PRKCE: variants seen among roughly 807,000 people sequenced by gnomAD.
PRKCE encodes the protein protein kinase C epsilon, also known as protein kinase C epsilon type.
PRKCE carries 16 observed loss-of-function variants against 85.4 expected under a neutral mutation model. The observed-to-expected ratio is 0.19, with a 90% CI of 0.13 to 0.28. PRKCE has a LOEUF of 0.28. PRKCE is among the 10% of genes least tolerant of loss of function. PRKCE has a pLI of 1.00. For missense variants in PRKCE, 573 were observed against 975.2 expected (o/e 0.59, Z 5.49); for synonymous variants, 388 against 371.5 (o/e 1.04, Z -0.51).
chr2:46,109,175 A>T (rs1672020960), intron 11 of PRKCE, among the ~76,000 whole-genome samples: 1 of 151,994 alleles, frequency 6.6e-6, no homozygotes, highest in Admixed American at 6.6e-5. Context: ...TGGGTCCCTT[A>T]TGTCTTTTGC....
chr2:45,809,459 T>G (rs921058458), intron 1 of PRKCE, among the ~76,000 whole-genome samples: 1 of 152,250 alleles, frequency 6.6e-6, no homozygotes, highest in African/African-American at 2.4e-5. Flanking sequence ...TGTGCAAAGA[T>G]GAAATCACTA....
At chr2:45,998,357 T>C (rs1704385670) in intron 6 of PRKCE, among the ~76,000 whole-genome samples, 1 of 152,242 alleles carries the variant, frequency 6.6e-6, no homozygotes, top group Non-Finnish European at 1.5e-5. Flanking sequence ...ACTTTGATGC[T>C]CTGGTTTTAG....
At chr2:45,953,547 T>C (rs1700770694) in intron 2 of PRKCE, among the ~76,000 whole-genome samples, 1 of 152,180 alleles carries the variant, frequency 6.6e-6, no homozygotes, top group African/African-American at 2.4e-5. Context: ...AAAAATGACA[T>C]TGAACCCAAA....
At chr2:45,893,396 C>G (rs1360059745) in intron 2 of PRKCE, among the ~76,000 whole-genome samples, 1 of 143,788 alleles carries the variant, frequency 7.0e-6, no homozygotes, top group African/African-American at 2.6e-5. Context: ...CTCTTGACCT[C>G]TTGCCCTCTC....
intron 1 of PRKCE, among the ~76,000 whole-genome samples, chr2:45,831,869 T>C (rs550089961): frequency 6.6e-6 from 1 of 152,318 alleles, no homozygotes; most frequent in Non-Finnish European, 1.5e-5. Context: ...CTTTTGGCTA[T>C]ATTTTAATAA....
At chr2:46,110,316 G>T (rs1558465361) in intron 11 of PRKCE, among the ~76,000 whole-genome samples, 1 of 152,060 alleles carries the variant, frequency 6.6e-6, no homozygotes, top group Non-Finnish European at 1.5e-5. Flanking sequence ...AACTCTCTGG[G>T]TCTTATACTT....
intron 11 of PRKCE, among the ~76,000 whole-genome samples, chr2:46,105,503 G>A (rs985054816): frequency 1.4e-5 from 2 of 143,484 alleles, no homozygotes; most frequent in Admixed American, 1.4e-4. Context: ...ATCTTGAGAT[G>A]TCAGGCAACC....
chr2:45,946,803 A>C (rs530158733), intron 2 of PRKCE, among the ~76,000 whole-genome samples: 1 of 152,370 alleles, frequency 6.6e-6, no homozygotes, highest in South Asian at 2.1e-4. Flanking sequence ...GTTCTGGAAC[A>C]GTTCAGGATG....
At chr2:46,064,309 G>GAAAA (rs1667426848) in intron 10 of PRKCE, among the ~76,000 whole-genome samples, 1 of 143,578 alleles carries the variant, frequency 7.0e-6, no homozygotes, top group Non-Finnish European at 1.5e-5. Flanking sequence ...AAAAGAAAAA[G>GAAAA]AAAATTGTTA....
chr2:45,764,369 A>G (rs1008358578), intron 1 of PRKCE, among the ~76,000 whole-genome samples: 4 of 152,354 alleles, frequency 2.6e-5, no homozygotes, highest in Non-Finnish European at 2.9e-5. Flanking sequence ...TTTTAGTTCA[A>G]AGAAAGAAAT....
chr2:46,122,811 A>G (rs1015332173), intron 11 of PRKCE, among the ~76,000 whole-genome samples: 14 of 152,004 alleles, frequency 9.2e-5, no homozygotes, highest in Admixed American at 8.5e-4. Context: ...AACATGAAGC[A>G]AAAAGGTCCA....
intron 1 of PRKCE, among the ~76,000 whole-genome samples, chr2:45,741,984 A>T (rs1441225346): frequency 6.6e-6 from 1 of 152,208 alleles, no homozygotes; most frequent in Non-Finnish European, 1.5e-5. Flanking sequence ...GTAGGAAGGC[A>T]GGCTGTGGTT....
At chr2:45,877,744 C>T (rs1358472583) in intron 2 of PRKCE, among the ~76,000 whole-genome samples, 1 of 108,678 alleles carries the variant, frequency 9.2e-6, no homozygotes, top group African/African-American at 2.5e-5. Flanking sequence ...CTGGTTCTTG[C>T]TCATGGTTCC....
chr2:45,929,251 TA>T (rs1279840298), intron 2 of PRKCE, among the ~76,000 whole-genome samples: 1 of 152,174 alleles, frequency 6.6e-6, no homozygotes, highest in African/African-American at 2.4e-5. Context: ...TAACACGTGC[TA>T]AAAATATGCA....
intron 1 of PRKCE, among the ~76,000 whole-genome samples, chr2:45,756,948 A>G (rs1436832906): frequency 6.6e-6 from 1 of 152,028 alleles, no homozygotes; most frequent in Non-Finnish European, 1.5e-5. Context: ...ATCAAGGTTT[A>G]CTCTTATTTA....
chr2:46,001,528 C>A lies in PRKCE; in HGVS notation c.948C>A (p.Ser316Arg). 6.3e-7 allele frequency: 1 copy of A among 1,598,768 alleles called. No individual in the cohort carries two copies. The highest frequency in any genetic ancestry group is 8.5e-7 in the Non-Finnish European group (1 of 1,179,446). Residue 316 changes from serine (S) to arginine (R), a missense_variant, in exon 7 of 15, where the codon AGC becomes AGA. By Grantham distance (110) the Ser-to-Arg change is moderately radical. Coordinates refer to ENST00000306156, the MANE Select transcript of PRKCE (RefSeq NM_005400.3). This position sits in a 1 kb window ranked among gnomAD's most constrained non-coding sequence, Gnocchi z 4.4. ...LGVTPDKITN[S>R]GQRRKKLIAG... is the part of the protein sequence containing the mutation. ...TTACCCCAGACAAAATCACCAACAG[C>A]GGCCAGAGAAGGAAAAAGGTAACTG... is the stretch of plus-strand genomic sequence containing the variant.
At chr2:46,026,243 G>A (rs1296114114) in intron 10 of PRKCE, among the ~76,000 whole-genome samples, 1 of 152,182 alleles carries the variant, frequency 6.6e-6, no homozygotes, top group African/African-American at 2.4e-5. Context: ...GAGAGTATAC[G>A]AAGTTAGAGG....
chr2:45,976,501 G>A lies in PRKCE; in HGVS notation c.485G>A (p.Arg162His). 6 of 1,599,736 alleles carry A rather than the reference G, an allele frequency of 3.8e-6. No homozygotes were observed. Among genetic ancestry groups the A allele is most frequent in the Middle Eastern group, 1.7e-4 (1 of 6,060 alleles). Residue 162 changes from arginine to histidine, a missense_variant, in exon 3 of 15, where the codon CGC (arginine) becomes CAC (histidine). Physicochemically the swap from Arg to His is conservative, Grantham distance 29. Transcript: ENST00000306156. ...RPRKRQGAVR[R>H]RVHQVNGHKF... ...AGGAAGCGGCAGGGGGCCGTCAGGC[G>A]CAGGGTCCATCAGGTCAACGGCCAC...
At chr2:45,838,095 G>A (rs1168402467) in intron 1 of PRKCE, among the ~76,000 whole-genome samples, 1 of 152,170 alleles carries the variant, frequency 6.6e-6, no homozygotes, top group Admixed American at 6.5e-5. Flanking sequence ...TTGCTGCCCA[G>A]ACCTCCCCTC....
Sources: gnomAD v4.1 joint callset for allele counts (sites outside exome capture counted in the v4.1 genomes callset) on GRCh38, gnomAD v4.1.1 for gene constraint, Gnocchi (gnomAD v3.1) non-coding constraint, MANE v1.5 for transcripts, NCBI Gene and HGNC (gene_info 2026-07-23, HGNC 2026-07-21) for gene names.